PCNX2: variants seen among roughly 807,000 people sequenced by gnomAD.
The protein encoded by PCNX2 is pecanex 2.
Under a neutral mutation model 223.8 loss-of-function variants are expected in PCNX2, and 168 were observed. That is an observed-to-expected ratio of 0.75 (90% confidence interval 0.66 to 0.85). The LOEUF is 0.85. Among genes scored for constraint, PCNX2 ranks in the 40% least tolerant of loss-of-function variants. The probability of loss-of-function intolerance (pLI) is 0.00; values close to 1 mark genes in which losing one functional copy is unlikely to be tolerated. For synonymous variants in PCNX2, 1,006 were observed against 1,052.6 expected (o/e 0.96, Z 0.86); for missense variants, 2,507 against 2,675.5 (o/e 0.94, Z 1.39).
At chr1:233,129,633 AAC>A (rs1437769395) in intron 21 of PCNX2, among the ~76,000 whole-genome samples, 1 of 152,206 alleles carries the variant, frequency 6.6e-6, no homozygotes, top group Non-Finnish European at 1.5e-5. Context: ...AGGGATTGTA[AAC>A]ACACCAATCA....
intron 33 of PCNX2, 160 bp downstream of exon 33, chr1:232,985,932 C>T (rs746777800): frequency 1.0e-5 from 8 of 779,140 alleles, no homozygotes; most frequent in South Asian, 9.8e-5. Context: ...TAAGCCACTT[C>T]GTGTCTAATC....
intron 9 of PCNX2, among the ~76,000 whole-genome samples, chr1:233,235,178 C>T (rs910278113): frequency 6.6e-6 from 1 of 152,118 alleles, no homozygotes; most frequent in African/African-American, 2.4e-5. Context: ...AGCCTGAATA[C>T]ATGAAAGGGA....
rs147347694 is a variant in PCNX2 at position 232,993,501 on chromosome 1, T to C, written c.5791+4750A>G. Among the ~76,000 whole-genome samples the C allele has an allele frequency of 3.9e-4, 60 of 152,318 alleles. 2 individuals are homozygous for C. In the East Asian group the frequency reaches 0.011, roughly 28 times the overall value. ...AGAGATGGTTTGGAAGTACAACTTA[T>C]GTTTAAAAAGGAAGCAGAGTATAAA... On this transcript the variant is annotated intron_variant, in intron 32 of 33. Coordinates refer to ENST00000258229, the MANE Select transcript of PCNX2 (RefSeq NM_014801.4).
the PCNX2 span, among the ~76,000 whole-genome samples, chr1:233,320,112 C>T: frequency 6.6e-6 from 1 of 152,050 alleles, no homozygotes; most frequent in Non-Finnish European, 1.5e-5. Flanking sequence ...TTGCAAAAGG[C>T]AAAGCATTTT....
intron 15 of PCNX2, among the ~76,000 whole-genome samples, chr1:233,187,248 T>C (rs1217766514): frequency 6.6e-6 from 1 of 152,222 alleles, no homozygotes; most frequent in Admixed American, 6.5e-5. Flanking sequence ...TTACTAGTTA[T>C]TGTGGTAAGT....
rs1659820992 is a variant in PCNX2, at chr1:233,257,900, A to C, written c.1834+128T>G. The C allele has an allele frequency of 2.4e-6, 3 of 1,271,916 alleles. No homozygotes were observed. The South Asian group carries it at 4.7e-5, about 20-fold the overall frequency. 78.8% of individuals were successfully genotyped at this position (1,271,916 alleles called of 1,614,324 possible). ...TACATTCAGCAAATATTGATGAGAAAGCCAAGCAACAAACGATTGCCCAAG... is the reference window on the plus strand; with the variant it reads ...TACATTCAGCAAATATTGATGAGAACGCCAAGCAACAAACGATTGCCCAAG... On this transcript the variant is annotated intron_variant, in intron 5 of 33. Transcript: ENST00000258229.
At chr1:233,180,422 C>T (rs1679720668) in intron 15 of PCNX2, among the ~76,000 whole-genome samples, 1 of 152,158 alleles carries the variant, frequency 6.6e-6, no homozygotes, top group Admixed American at 6.5e-5. Flanking sequence ...AAGAAGAAAA[C>T]ATCTACATAT....
At chr1:233,081,535 T>C (rs1230028069) in intron 23 of PCNX2, among the ~76,000 whole-genome samples, 1 of 152,072 alleles carries the variant, frequency 6.6e-6, no homozygotes, top group East Asian at 1.9e-4. Context: ...GCCGGGGCCA[T>C]GGAGAAGCAT....
chr1:233,188,043 T>C (rs1680205199), intron 15 of PCNX2, among the ~76,000 whole-genome samples: 1 of 152,258 alleles, frequency 6.6e-6, no homozygotes, highest in African/African-American at 2.4e-5. Context: ...AGCTTTCTAT[T>C]GCCGTGTAAC....
intron 21 of PCNX2, among the ~76,000 whole-genome samples, chr1:233,100,435 A>AAC (rs1558230917): frequency 6.6e-6 from 1 of 151,760 alleles, no homozygotes; most frequent in Non-Finnish European, 1.5e-5. Flanking sequence ...AAAAAAAAAA[A>AAC]AAAAGAAAAT....
chr1:233,130,026 G>C (rs191218962), intron 21 of PCNX2, among the ~76,000 whole-genome samples: 2 of 151,944 alleles, frequency 1.3e-5, no homozygotes, highest in Non-Finnish European at 2.9e-5. Flanking sequence ...TCACTCCTGA[G>C]GCCAGCCAGA....
the PCNX2 span, among the ~76,000 whole-genome samples, chr1:233,304,041 T>C: frequency 2.6e-5 from 4 of 152,276 alleles, no homozygotes; most frequent in African/African-American, 9.6e-5. Flanking sequence ...TTTTCCACTT[T>C]GCTTTCTCTT....
chr1:233,175,535 G>A (rs1162421151), intron 17 of PCNX2, among the ~76,000 whole-genome samples: 1 of 152,142 alleles, frequency 6.6e-6, no homozygotes, highest in South Asian at 2.1e-4. Flanking sequence ...GAAGGGCATA[G>A]TTTTTCTCAG....
intron 23 of PCNX2, among the ~76,000 whole-genome samples, chr1:233,060,333 C>T (rs12084488): frequency 0.08 from 12,195 of 152,226 alleles, 1,315 homozygotes; most frequent in African/African-American, 0.25. Context: ...GAATAAACAA[C>T]TTTTAAAGGA....
intron 21 of PCNX2, among the ~76,000 whole-genome samples, chr1:233,100,414 T>C (rs894237163): frequency 3.0e-5 from 3 of 99,924 alleles, no homozygotes; most frequent in Non-Finnish European, 5.6e-5. Flanking sequence ...AGAGATTCTG[T>C]CTCAAAAAAA....
chr1:233,160,546 C>A, intron 18 of PCNX2, 113 bp from the exon 19 acceptor site: 1 of 1,200,912 alleles, frequency 8.3e-7, no homozygotes. Flanking sequence ...TAACGGATAG[C>A]CAGACTCAGT....
intron 13 of PCNX2, among the ~76,000 whole-genome samples, chr1:233,204,035 C>T (rs1681300375): frequency 6.6e-6 from 1 of 152,198 alleles, no homozygotes; most frequent in Admixed American, 6.5e-5. Flanking sequence ...AATTATGTTC[C>T]CACAAAAGAT....
chr1:233,288,255 T>C (rs1477170397), intron 1 of PCNX2, among the ~76,000 whole-genome samples: 2 of 152,144 alleles, frequency 1.3e-5, no homozygotes, highest in Non-Finnish European at 2.9e-5. Context: ...ATTGTTCAAT[T>C]AAAACAAAAA....
At chr1:233,191,284 C>T (rs1680405301) in intron 15 of PCNX2, among the ~76,000 whole-genome samples, 1 of 152,208 alleles carries the variant, frequency 6.6e-6, no homozygotes, top group Non-Finnish European at 1.5e-5. Context: ...TATTGCTGAA[C>T]AAATAAATAT....
Sources: allele counts gnomAD v4.1 joint callset (sites outside exome capture counted in the v4.1 genomes callset), GRCh38; gene constraint gnomAD v4.1.1; transcripts MANE v1.5; gene names NCBI Gene and HGNC (gene_info 2026-07-23, HGNC 2026-07-21).